ABHD2: variants seen among roughly 807,000 people sequenced by gnomAD.
ABHD2 encodes the protein abhydrolase domain containing 2, acylglycerol lipase.
ABHD2 carries 20 observed loss-of-function variants against 48.1 expected under a neutral mutation model. The observed-to-expected ratio is 0.42, with a 90% CI of 0.29 to 0.60. ABHD2 has a LOEUF of 0.60. Among genes scored for constraint, ABHD2 ranks in the 20% least tolerant of loss-of-function variants. ABHD2 has a pLI of 0.24. For missense variants in ABHD2, 405 were observed against 550.9 expected (o/e 0.74, Z 2.65); for synonymous variants, 209 against 214.2 (o/e 0.98, Z 0.21).
chr15:89,127,724 T>TATATATATATATATATATATATATATAC lies in ABHD2; in HGVS notation c.194+11219_194+11220insATATATATATACATATATATATATATAT, dbSNP rs1567080086. On this transcript the variant is annotated intron_variant, in intron 3 of 10. Transcript: ENST00000352732. ...ATATATACATATATATATATACACA[T>TATATATATATATATATATATATATATAC]ATATATATATATATATGTATATTTT... Among the ~76,000 whole-genome samples, 292 of 70,648 alleles carry TATATATATATATATATATATATATATAC rather than the reference T, an allele frequency of 4.1e-3. 6 individuals carry two copies. Among genetic ancestry groups the TATATATATATATATATATATATATATAC allele is most frequent in the African/African-American group, 0.013 (279 of 20,708 alleles). 46.3% of individuals were successfully genotyped at this position (70,648 alleles called of 152,430 possible).
At chr15:89,084,385 C>T (rs529173665), upstream of ABHD2, among the ~76,000 whole-genome samples, 93 of 152,156 alleles carry the variant, frequency 6.1e-4, 1 homozygote, top group African/African-American at 2.2e-3. The surrounding 1 kb of genome is among the most constrained non-coding windows in gnomAD (Gnocchi z 4.4). Flanking sequence ...CTGCATCCGC[C>T]GCCTCCTAGG....
chr15:89,051,570 C>T, the ABHD2 span, among the ~76,000 whole-genome samples: 1 of 152,158 alleles, frequency 6.6e-6, no homozygotes, highest in Admixed American at 6.5e-5. Flanking sequence ...TTGTAGCTCC[C>T]ACAATTCCCA....
chr15:89,066,445 C>T, the ABHD2 span, among the ~76,000 whole-genome samples: 1 of 152,162 alleles, frequency 6.6e-6, no homozygotes, highest in African/African-American at 2.4e-5. Context: ...GCCTTAGGGC[C>T]TACCTTAATC....
At chr15:89,122,925 A>G (rs1284179234) in intron 3 of ABHD2, among the ~76,000 whole-genome samples, 1 of 152,242 alleles carries the variant, frequency 6.6e-6, no homozygotes, top group East Asian at 1.9e-4. Flanking sequence ...CACTGGATCC[A>G]AGAGACATCT....
the ABHD2 span, among the ~76,000 whole-genome samples, chr15:89,072,515 G>A: frequency 2.2e-5 from 3 of 138,030 alleles, no homozygotes; most frequent in Admixed American, 7.4e-5. Context: ...GAAGGGGAAG[G>A]ATGAGCAGGA....
At chr15:89,093,180 T>A (rs113518660) in intron 1 of ABHD2, among the ~76,000 whole-genome samples, 4 of 139,860 alleles carry the variant, frequency 2.9e-5, no homozygotes, top group African/African-American at 1.1e-4. Context: ...ATTCTTTTTT[T>A]TTTTTTTTTT....
intron 3 of ABHD2, among the ~76,000 whole-genome samples, chr15:89,117,855 A>G (rs976599322): frequency 6.6e-6 from 1 of 152,192 alleles, no homozygotes; most frequent in Non-Finnish European, 1.5e-5. Flanking sequence ...CACATGTACT[A>G]TTATGTGCTT....
In ABHD2 at chr15:89,167,643, AT is replaced by A; in HGVS notation, c.539-8166del. Among the ~76,000 whole-genome samples the A allele has an allele frequency of 6.6e-6, 1 of 152,306 alleles. No individual in the cohort carries two copies. Among genetic ancestry groups the A allele is most frequent in the East Asian group, 1.9e-4 (1 of 5,184 alleles). On this transcript the variant is annotated intron_variant, in intron 5 of 10. Coordinates refer to ENST00000352732, the MANE Select transcript of ABHD2 (RefSeq NM_152924.5). The surrounding 1 kb of genome is among the most constrained non-coding windows in gnomAD (Gnocchi z 5.5). ...AAAACACTCATTTTTTAAAATCCTT[AT>A]TTCAGAGATAAGGGCAAGGCCAACT...
In ABHD2 at chr15:89,102,319, T is replaced by TTA. The variant is rs1334273719; in HGVS notation, c.-106-11401_-106-11400dup. The TTA allele has an allele frequency of 1.3e-5, 2 of 152,280 alleles. No individual in the cohort carries two copies. The highest frequency in any genetic ancestry group is 4.8e-5 in the African/African-American group (2 of 41,478). 9.4% of individuals were successfully genotyped at this position (152,280 alleles called of 1,614,324 possible). ...TGGTACTTCAGAGTTTAGTACTTCA[T>TTA]TATATACAGATTTGTTGTACTATTT... On this transcript the variant is annotated intron_variant, in intron 1 of 10. Coordinates refer to ENST00000352732, the MANE Select transcript of ABHD2 (RefSeq NM_152924.5). The surrounding 1 kb of genome is among the most constrained non-coding windows in gnomAD (Gnocchi z 4.8).
rs1596176659 is a variant in ABHD2, at chr15:89,201,692, A to C, written c.*6269A>C. The stretch of plus-strand genomic sequence containing the variant: ...TTCTATCCGATGGATTTCGCAATTT[A>C]AGATTTGTAGTGACTACATCTGTGA... On this transcript the variant is annotated 3_prime_UTR_variant, in exon 11 of 11. Coordinates refer to ENST00000352732, the MANE Select transcript of ABHD2 (RefSeq NM_152924.5). 6.2e-7 allele frequency: 1 copy of C among 1,608,682 alleles called. No individual in the cohort carries two copies. Among genetic ancestry groups the C allele is most frequent in the East Asian group, 2.2e-5 (1 of 44,868 alleles).
In ABHD2 at chr15:89,106,434, ACTCAC is replaced by A. The variant is rs111807420; in HGVS notation, c.-106-7286_-106-7282del. ...CTGTGAGCTGCTGGCTAAGGTGCTC[ACTCAC>A]CTCATTAGACCTTACCGAGAGTGAG... On this transcript the variant is annotated intron_variant, in intron 1 of 10. Coordinates refer to ENST00000352732, the MANE Select transcript of ABHD2 (RefSeq NM_152924.5). This position sits in a 1 kb window ranked among gnomAD's most constrained non-coding sequence, Gnocchi z 4.2. 1,778 of 152,240 alleles carry A rather than the reference ACTCAC, an allele frequency of 0.012. 37 individuals carry two copies. Among genetic ancestry groups the A allele is most frequent in the African/African-American group, 0.039 (1,627 of 41,476 alleles). The allele number at this position is 152,240 out of a possible 1,614,324, so 9.4% of individuals were successfully genotyped here.
chr15:89,149,237 A>ACACACACT (rs1567091550), intron 3 of ABHD2, among the ~76,000 whole-genome samples: 1 of 151,698 alleles, frequency 6.6e-6, no homozygotes. Flanking sequence ...ACACACACAC[A>ACACACACT]CACACTCACA....
the ABHD2 span, among the ~76,000 whole-genome samples, chr15:89,079,448 CA>C: frequency 6.6e-6 from 1 of 150,528 alleles, no homozygotes; most frequent in African/African-American, 2.5e-5. This position sits in a 1 kb window ranked among gnomAD's most constrained non-coding sequence, Gnocchi z 4.3. Flanking sequence ...AGAAATAAAA[CA>C]AACTTCTACA....
At position 89,170,080 on chromosome 15, in the gene ABHD2, C is replaced by CTTTTTTTTT. The variant is rs748983183; in HGVS notation, c.539-5707_539-5699dup. On this transcript the variant is annotated intron_variant, in intron 5 of 10. Coordinates refer to ENST00000352732, the MANE Select transcript of ABHD2 (RefSeq NM_152924.5). Reference sequence around the variant, plus strand: ...GAGCCATTCCATGTCAGATCAGATTCTTTTTTTTTTTTTTTTTTTTTTTTT... The same window carrying CTTTTTTTTT: ...GAGCCATTCCATGTCAGATCAGATTCTTTTTTTTTTTTTTTTTTTTTTTTTTTTTTTTTT... Among the ~76,000 whole-genome samples the CTTTTTTTTT allele has an allele frequency of 3.9e-3, 145 of 37,500 alleles. 49 individuals carry two copies. The highest frequency in any genetic ancestry group is 0.05 in the Middle Eastern group (1 of 20). 24.6% of individuals were successfully genotyped at this position (37,500 alleles called of 152,430 possible). A position where few individuals can be genotyped will look rare whatever the true frequency, so the allele number is the denominator to read the frequency against.
intron 3 of ABHD2, among the ~76,000 whole-genome samples, chr15:89,144,130 A>T (rs1015819434): frequency 6.6e-6 from 1 of 152,262 alleles, no homozygotes; most frequent in African/African-American, 2.4e-5. Flanking sequence ...GAAACCATCC[A>T]ATGTCTTTTT....
At chr15:89,187,682 C>A (rs944619196) in intron 7 of ABHD2, among the ~76,000 whole-genome samples, 1 of 152,188 alleles carries the variant, frequency 6.6e-6, no homozygotes, top group African/African-American at 2.4e-5. Flanking sequence ...TAGATGTTAG[C>A]TTTTATCTAA....
intron 3 of ABHD2, among the ~76,000 whole-genome samples, chr15:89,143,720 T>C (rs931619196): frequency 4.7e-5 from 7 of 150,274 alleles, no homozygotes; most frequent in Admixed American, 1.3e-4. Flanking sequence ...ATTTTAGACA[T>C]AGAGATGAAA....
the ABHD2 span, among the ~76,000 whole-genome samples, chr15:89,079,929 T>A: frequency 6.6e-6 from 1 of 152,328 alleles, no homozygotes; most frequent in Admixed American, 6.5e-5. The surrounding 1 kb of genome is among the most constrained non-coding windows in gnomAD (Gnocchi z 4.3). Flanking sequence ...TCCAGCTTCA[T>A]GCTGCAAAAG....
At chr15:89,144,159 G>A (rs920352940) in intron 3 of ABHD2, among the ~76,000 whole-genome samples, 5 of 151,488 alleles carry the variant, frequency 3.3e-5, no homozygotes, top group Admixed American at 1.3e-4. Context: ...TTTGAGATAC[G>A]GTCTCACTCT....
Sources: allele counts gnomAD v4.1 joint callset (sites outside exome capture counted in the v4.1 genomes callset), GRCh38; gene constraint gnomAD v4.1.1; non-coding constraint Gnocchi (gnomAD v3.1); transcripts MANE v1.5; gene names NCBI Gene and HGNC (gene_info 2026-07-23, HGNC 2026-07-21).